The following SUCLA2 variants were observed in gnomAD, a reference collection of about 807,000 sequenced individuals.
The protein encoded by SUCLA2 is succinate--CoA ligase [ADP-forming] subunit beta, mitochondrial.
Under a neutral mutation model 54.8 loss-of-function variants are expected in SUCLA2, and 30 were observed. That is an observed-to-expected ratio of 0.55 (90% CI 0.41 to 0.74). The LOEUF is 0.74. Ranked by LOEUF, SUCLA2 falls within the 30% of genes least tolerant of loss-of-function variation. The pLI is 0.00. For synonymous variants in SUCLA2, 172 were observed against 188.9 expected, an observed-to-expected ratio of 0.91 and a Z score of 0.74; for missense variants, 476 against 562.9, an observed-to-expected ratio of 0.85 and a Z score of 1.56.
chr13:47,954,609 A>C, intron 6 of SUCLA2, 52 bp from the exon 7 acceptor site: 1 of 1,578,816 alleles, frequency 6.3e-7, no homozygotes, highest in Non-Finnish European at 8.7e-7. Flanking sequence ...AGATACAATA[A>C]AGTATCAAAT....
At position 47,996,947 on chromosome 13, in the gene SUCLA2, T is replaced by C. The variant is rs751107693; in HGVS notation, c.167A>G (p.His56Arg). The part of the protein sequence containing the change: ...QQQQQRNLSL[H>R]EYMSMELLQE... ...CAATAATTCCATACTCATGTATTCATGTAGTGAGAGATTCCTTTGCTGTTG... is the reference window on the plus strand; with the variant it reads ...CAATAATTCCATACTCATGTATTCACGTAGTGAGAGATTCCTTTGCTGTTG... Residue 56 changes from histidine to arginine, a missense_variant, in exon 2 of 11, where the codon CAT becomes CGT. This residue lies in a region of SUCLA2 where 134 missense variants were observed against 118.7 expected (regional missense o/e 1.13). Coordinates refer to ENST00000646932, the MANE Select transcript of SUCLA2 (RefSeq NM_003850.3). 10 of 1,614,118 alleles carry C rather than the reference T, an allele frequency of 6.2e-6. No homozygotes were observed. The highest frequency in any genetic ancestry group is 7.6e-6 in the Non-Finnish European group (9 of 1,180,012).
At chr13:47,991,940 G>C (rs367992443) in intron 2 of SUCLA2, among the ~76,000 whole-genome samples, 5 of 152,110 alleles carry the variant, frequency 3.3e-5, no homozygotes, top group East Asian at 1.9e-4. Context: ...CAACAATAAC[G>C]TTCTTATTGA....
At chr13:47,993,105 C>T (rs1401752715) in intron 2 of SUCLA2, among the ~76,000 whole-genome samples, 1 of 152,130 alleles carries the variant, frequency 6.6e-6, no homozygotes, top group African/African-American at 2.4e-5. Flanking sequence ...GTGGAGCACA[C>T]CTATAGTCCC....
chr13:47,974,059 C>T (rs921715508), intron 4 of SUCLA2, among the ~76,000 whole-genome samples: 2 of 149,558 alleles, frequency 1.3e-5, no homozygotes, highest in Non-Finnish European at 3.0e-5. Flanking sequence ...GCACTTTCTG[C>T]ACATGTATCC....
chr13:47,952,577 CCTT>C (rs1949784634), intron 8 of SUCLA2, among the ~76,000 whole-genome samples: 1 of 152,030 alleles, frequency 6.6e-6, no homozygotes, highest in South Asian at 2.1e-4. Flanking sequence ...CTTAACCAAC[CCTT>C]CTATGAGGCT....
chr13:47,964,649 A>G (rs902186332), intron 6 of SUCLA2, among the ~76,000 whole-genome samples: 2 of 152,156 alleles, frequency 1.3e-5, no homozygotes, highest in Non-Finnish European at 2.9e-5. Context: ...CAAGGCCAGG[A>G]GATCGAGACC....
At chr13:47,966,592 C>T (rs1949920503) in intron 6 of SUCLA2, among the ~76,000 whole-genome samples, 1 of 151,380 alleles carries the variant, frequency 6.6e-6, no homozygotes, top group Admixed American at 6.6e-5. Flanking sequence ...AGAAACTGAC[C>T]CCTTTGATAA....
chr13:47,943,107 A>T lies in SUCLA2; in HGVS notation c.*264T>A. The stretch of plus-strand genomic sequence containing the variant: ...GTATCCAACAATAATAAACTGGCAA[A>T]TTGCAAGTTACGTTTTGTAGGAGAA... On this transcript the variant is annotated 3_prime_UTR_variant, in exon 11 of 11. Transcript: ENST00000646932. 2.3e-6 allele frequency: 1 copy of T among 439,458 alleles called. No individual in the cohort carries two copies. The highest frequency in any genetic ancestry group is 4.2e-6 in the Non-Finnish European group (1 of 240,868). 27.2% of individuals were successfully genotyped at this position (439,458 alleles called of 1,614,324 possible).
chr13:47,963,312 A>C (rs1233652674), intron 6 of SUCLA2, among the ~76,000 whole-genome samples: 2 of 152,262 alleles, frequency 1.3e-5, no homozygotes, highest in Non-Finnish European at 2.9e-5. Context: ...ACTCAAGTGG[A>C]ATTAGAGTTA....
chr13:47,953,700 A>G (rs1949794279), intron 8 of SUCLA2, among the ~76,000 whole-genome samples: 1 of 152,138 alleles, frequency 6.6e-6, no homozygotes, highest in Non-Finnish European at 1.5e-5. Context: ...TATCATCCCT[A>G]TCAGTGAAGA....
At chr13:47,977,074 T>TA (rs1295041514) in intron 4 of SUCLA2, among the ~76,000 whole-genome samples, 1 of 149,536 alleles carries the variant, frequency 6.7e-6, no homozygotes, top group Admixed American at 6.7e-5. Flanking sequence ...CCTTTAACTA[T>TA]AAAAAAATAG....
chr13:47,965,902 G>A (rs1036284834), intron 6 of SUCLA2, among the ~76,000 whole-genome samples: 2 of 152,090 alleles, frequency 1.3e-5, no homozygotes, highest in Non-Finnish European at 1.5e-5. Flanking sequence ...CAAACAATTA[G>A]CCGTATGCGG....
At chr13:47,951,989 TAAA>T (rs11404279) in intron 8 of SUCLA2, among the ~76,000 whole-genome samples, 38 of 131,008 alleles carry the variant, frequency 2.9e-4, no homozygotes, top group Non-Finnish European at 2.9e-4. Context: ...CATGCCTTTG[TAAA>T]AAAAAAAAAA....
chr13:47,998,717 G>C (rs1950207651), intron 1 of SUCLA2, among the ~76,000 whole-genome samples: 1 of 152,168 alleles, frequency 6.6e-6, no homozygotes, highest in African/African-American at 2.4e-5. Flanking sequence ...GGTGACAGAA[G>C]TCATAATTGG....
intron 4 of SUCLA2, 110 bp from the exon 5 acceptor site, chr13:47,973,502 C>T: frequency 8.0e-7 from 1 of 1,253,912 alleles, no homozygotes; most frequent in Admixed American, 1.9e-5. Context: ...TTACTCTCTA[C>T]CCACATTTTA....
intron 4 of SUCLA2, among the ~76,000 whole-genome samples, chr13:47,980,073 A>C (rs943088491): frequency 5.9e-5 from 9 of 152,360 alleles, no homozygotes; most frequent in Admixed American, 4.6e-4. Context: ...TCGAGGAGGC[A>C]TAAGACTTAT....
At chr13:47,967,751 G>T (rs1188224417) in intron 6 of SUCLA2, among the ~76,000 whole-genome samples, 1 of 149,962 alleles carries the variant, frequency 6.7e-6, no homozygotes, top group African/African-American at 2.5e-5. Flanking sequence ...GGCTGAGGCA[G>T]AAGAATTACT....
At position 48,000,926 on chromosome 13, in the gene SUCLA2, A is replaced by G. The variant is rs936220480; in HGVS notation, c.90+254T>C. 48 of 1,375,578 alleles carry G rather than the reference A, an allele frequency of 3.5e-5. No individual in the cohort carries two copies. In the East Asian group the frequency reaches 1.3e-3, roughly 38 times the overall value. 85.2% of individuals were successfully genotyped at this position (1,375,578 alleles called of 1,614,324 possible). On this transcript the variant is annotated intron_variant, in intron 1 of 10. Coordinates refer to ENST00000646932, the MANE Select transcript of SUCLA2 (RefSeq NM_003850.3). ...GCCCACCTGCTCCCGCCCATCTCTT[A>G]GAAACTGCAGGAGCAGCCACGGCCG...
chr13:47,963,091 T>C (rs1949884946), intron 6 of SUCLA2, among the ~76,000 whole-genome samples: 1 of 152,092 alleles, frequency 6.6e-6, no homozygotes, highest in South Asian at 2.1e-4. Flanking sequence ...TGAGATCCTA[T>C]CTCCTCAGCT....
Sources: gnomAD v4.1 joint callset for allele counts (sites outside exome capture counted in the v4.1 genomes callset) on GRCh38, gnomAD v4.1.1 for gene constraint, gnomAD v4.1.1 regional missense constraint, MANE v1.5 for transcripts, NCBI Gene and HGNC (gene_info 2026-07-23, HGNC 2026-07-21) for gene names.